HMGXB4: variants seen among roughly 807,000 people sequenced by gnomAD.
HMGXB4 encodes HMG-box containing 4.
A neutral mutation model predicts 63.9 loss-of-function variants in HMGXB4; 27 were observed. The observed-to-expected ratio is 0.42, with a 90% CI of 0.31 to 0.58. The LOEUF (loss-of-function observed/expected upper bound fraction) is 0.58, where lower values mean the gene tolerates loss of function less well. Among genes scored for constraint, HMGXB4 ranks in the 20% least tolerant of loss-of-function variants. The pLI, the probability that HMGXB4 is intolerant of heterozygous loss-of-function variation, is 0.13. For missense variants in HMGXB4, 624 were observed against 700.7 expected (o/e 0.89, Z 1.24); for synonymous variants, 264 against 265.3 (o/e 0.99, Z 0.05).
At chr22:35,258,951 AT>A (rs1266093752) in intron 1 of HMGXB4, among the ~76,000 whole-genome samples, 15 of 152,136 alleles carry the variant, frequency 9.9e-5, no homozygotes, top group Admixed American at 3.9e-4. Context: ...AAGGTTGTTG[AT>A]TGCAGGAGCT....
the HMGXB4 span, among the ~76,000 whole-genome samples, chr22:35,242,880 G>A: frequency 3.3e-5 from 5 of 152,142 alleles, no homozygotes; most frequent in Admixed American, 6.5e-5. Context: ...TTGACTCAAA[G>A]ACTCTACAGA....
At chr22:35,281,091 T>A (rs189191516) in intron 5 of HMGXB4, among the ~76,000 whole-genome samples, 1 of 152,266 alleles carries the variant, frequency 6.6e-6, no homozygotes, top group Non-Finnish European at 1.5e-5. Context: ...TAGAATACTT[T>A]AATGGGTTAC....
the HMGXB4 span, among the ~76,000 whole-genome samples, chr22:35,252,248 C>T: frequency 3.9e-5 from 6 of 152,230 alleles, no homozygotes; most frequent in East Asian, 5.8e-4. Flanking sequence ...ACACTAAACA[C>T]GAGATCTGCC....
intron 5 of HMGXB4, among the ~76,000 whole-genome samples, chr22:35,274,638 G>A (rs1271319751): frequency 1.3e-5 from 2 of 152,152 alleles, no homozygotes; most frequent in African/African-American, 2.4e-5. Context: ...TGTTCATGGC[G>A]GAACAGGAAT....
chr22:35,283,673 T>C (rs1356045346), intron 5 of HMGXB4, among the ~76,000 whole-genome samples: 1 of 152,006 alleles, frequency 6.6e-6, no homozygotes, highest in Non-Finnish European at 1.5e-5. Flanking sequence ...ACCTGTAATC[T>C]CAGCTACTCA....
chr22:35,262,624 A>T (rs965589172), intron 2 of HMGXB4: 1 of 598,014 alleles, frequency 1.7e-6, no homozygotes, highest in Non-Finnish European at 3.0e-6. Flanking sequence ...CCAACACGAG[A>T]GTCTGAAATA....
chr22:35,284,153 C>T (rs949117747), intron 6 of HMGXB4, 110 bp downstream of exon 6: 1 of 769,782 alleles, frequency 1.3e-6, no homozygotes, highest in African/African-American at 1.7e-5. Context: ...TTTCTTTCCT[C>T]AGTTCTGCAA....
the HMGXB4 span, among the ~76,000 whole-genome samples, chr22:35,246,315 C>A: frequency 1.3e-5 from 2 of 152,030 alleles, no homozygotes; most frequent in African/African-American, 4.8e-5. Context: ...CGCTCTGTCG[C>A]CCAGGATAGA....
chr22:35,279,725 G>A (rs934767624), intron 5 of HMGXB4, among the ~76,000 whole-genome samples: 16 of 115,420 alleles, frequency 1.4e-4, no homozygotes, highest in Non-Finnish European at 2.0e-4. Flanking sequence ...AATTGTCCCA[G>A]CATCATTTGT....
intron 1 of HMGXB4, among the ~76,000 whole-genome samples, chr22:35,260,548 A>G (rs555877471): frequency 1.3e-5 from 2 of 152,300 alleles, no homozygotes; most frequent in African/African-American, 2.4e-5. Context: ...GCCTCCTCAC[A>G]TTTTTATCTG....
At chr22:35,256,897 A>G (rs1922439275), upstream of HMGXB4, among the ~76,000 whole-genome samples, 1 of 152,258 alleles carries the variant, frequency 6.6e-6, no homozygotes, top group Non-Finnish European at 1.5e-5. Context: ...TCTCGCCTGT[A>G]TATGACATCT....
intron 3 of HMGXB4, 84 bp from the exon 4 acceptor site, chr22:35,263,712 A>G: frequency 1.1e-6 from 1 of 925,798 alleles, no homozygotes; most frequent in Non-Finnish European, 1.8e-6. Flanking sequence ...GTTTCCCAAA[A>G]TCAAAAATCA....
chr22:35,262,570 A>G (rs1922930212), intron 2 of HMGXB4, 149 bp downstream of exon 2: 1 of 822,942 alleles, frequency 1.2e-6, no homozygotes, highest in African/African-American at 1.7e-5. Context: ...CCTCCACGCC[A>G]TCCCCAGACT....
At chr22:35,249,083 G>A in the HMGXB4 span, among the ~76,000 whole-genome samples, 3 of 152,038 alleles carry the variant, frequency 2.0e-5, no homozygotes, top group African/African-American at 7.2e-5. Context: ...TTTTGAGGCA[G>A]AGTCTTGTTC....
chr22:35,269,917 T>G (rs1406984437), intron 5 of HMGXB4, among the ~76,000 whole-genome samples: 1 of 151,990 alleles, frequency 6.6e-6, no homozygotes, highest in Non-Finnish European at 1.5e-5. Context: ...GTTCAAAGCT[T>G]CTGTGAGTTG....
At chr22:35,242,579 C>T in the HMGXB4 span, among the ~76,000 whole-genome samples, 8 of 151,244 alleles carry the variant, frequency 5.3e-5, no homozygotes, top group African/African-American at 2.0e-4. Context: ...AGGAACTAGC[C>T]CTTTGCTTCA....
At chr22:35,293,533 C>T in intron 10 of HMGXB4, 74 bp from the exon 11 acceptor site, 1 of 1,005,266 alleles carries the variant, frequency 9.9e-7, no homozygotes, top group Non-Finnish European at 1.6e-6. Flanking sequence ...TATCTCTCTC[C>T]TTGAACAAAG....
chr22:35,291,941 A>G (rs892056650), intron 9 of HMGXB4, among the ~76,000 whole-genome samples: 2 of 152,168 alleles, frequency 1.3e-5, no homozygotes, highest in African/African-American at 4.8e-5. Flanking sequence ...AGGGAAAGGA[A>G]GAGTCAGTGA....
chr22:35,267,258 A>C (rs1001058138), intron 5 of HMGXB4, among the ~76,000 whole-genome samples: 2 of 151,688 alleles, frequency 1.3e-5, no homozygotes, highest in African/African-American at 4.8e-5. Flanking sequence ...TGTGAACATA[A>C]AGACCTGGAT....
Sources: allele counts gnomAD v4.1 joint callset (sites outside exome capture counted in the v4.1 genomes callset), GRCh38; gene constraint gnomAD v4.1.1; transcripts MANE v1.5; gene names NCBI Gene and HGNC (gene_info 2026-07-23, HGNC 2026-07-21).